MCPH1: variants seen among roughly 807,000 people sequenced by gnomAD.
The protein encoded by MCPH1 is microcephalin.
Under a neutral mutation model 84.5 loss-of-function variants are expected in MCPH1, and 104 were observed. The ratio of observed to expected loss-of-function variants is 1.23; its 90% CI spans 1.05 to 1.45. The LOEUF (loss-of-function observed/expected upper bound fraction) is 1.45, where lower values mean the gene tolerates loss of function less well. Ranked by LOEUF, MCPH1 falls within the 40% of genes most tolerant of loss-of-function variation. The pLI is 0.00. For synonymous variants in MCPH1, 514 were observed against 366.8 expected, an observed-to-expected ratio of 1.40 and a Z score of -4.58; for missense variants, 1,498 against 1,005.7, an observed-to-expected ratio of 1.49 and a Z score of -6.62.
At chr8:6,431,994 G>C (rs886124651) in intron 4 of MCPH1, among the ~76,000 whole-genome samples, 1 of 152,196 alleles carries the variant, frequency 6.6e-6, no homozygotes, top group African/African-American at 2.4e-5. Flanking sequence ...AAAATCTGCT[G>C]TACAAATACA....
chr8:6,528,711 T>C (rs1409119869), intron 12 of MCPH1, among the ~76,000 whole-genome samples: 14 of 152,230 alleles, frequency 9.2e-5, no homozygotes. Context: ...TCATGCTTAT[T>C]CAGGATGTGA....
At chr8:6,575,142 A>G (rs1343417911) in intron 12 of MCPH1, among the ~76,000 whole-genome samples, 2 of 152,120 alleles carry the variant, frequency 1.3e-5, no homozygotes, top group Non-Finnish European at 1.5e-5. Flanking sequence ...TTCCTATTGC[A>G]TGTTTGGGTC....
intron 3 of MCPH1, among the ~76,000 whole-genome samples, chr8:6,415,090 A>G (rs1799079337): frequency 6.6e-6 from 1 of 151,966 alleles, no homozygotes; most frequent in South Asian, 2.1e-4. Context: ...GCCTAGGGGG[A>G]AAAGGAGCCT....
At chr8:6,604,126 C>T (rs898757836) in intron 12 of MCPH1, among the ~76,000 whole-genome samples, 13 of 151,990 alleles carry the variant, frequency 8.6e-5, no homozygotes, top group African/African-American at 2.7e-4. Context: ...TGATCTTGGA[C>T]CTTCCCTGTC....
chr8:6,639,067 G>C (rs1017842425), intron 13 of MCPH1, among the ~76,000 whole-genome samples: 1 of 152,196 alleles, frequency 6.6e-6, no homozygotes. Context: ...GTAGGCTTCT[G>C]TTCCATCTTG....
At chr8:6,411,212 G>A (rs1308883000) in intron 2 of MCPH1, among the ~76,000 whole-genome samples, 1 of 152,206 alleles carries the variant, frequency 6.6e-6, no homozygotes, top group African/African-American at 2.4e-5. Context: ...CAGCCTGTTT[G>A]AACTGTACGG....
At chr8:6,612,851 T>C (rs1052012979) in intron 12 of MCPH1, among the ~76,000 whole-genome samples, 3 of 152,202 alleles carry the variant, frequency 2.0e-5, no homozygotes, top group African/African-American at 7.2e-5. Flanking sequence ...AGCGTGTGAG[T>C]TTAGTGGGCG....
intron 12 of MCPH1, among the ~76,000 whole-genome samples, chr8:6,605,609 G>A (rs1340532849): frequency 6.6e-6 from 1 of 152,242 alleles, no homozygotes; most frequent in Non-Finnish European, 1.5e-5. Flanking sequence ...CAGGGATGAA[G>A]TCAGTGGCTG....
intron 12 of MCPH1, among the ~76,000 whole-genome samples, chr8:6,583,626 A>G (rs938818737): frequency 6.6e-6 from 1 of 152,176 alleles, no homozygotes; most frequent in African/African-American, 2.4e-5. Flanking sequence ...TGCCCAAGGG[A>G]GGAGCTGGCC....
chr8:6,464,273 T>C (rs1585918881), intron 9 of MCPH1, among the ~76,000 whole-genome samples: 2 of 152,152 alleles, frequency 1.3e-5, no homozygotes, highest in African/African-American at 4.8e-5. Flanking sequence ...GGCGGGGATG[T>C]GCTCGTTGTA....
chr8:6,508,809 G>C lies in MCPH1; in HGVS notation c.2214+8880G>C. 7 of 1,325,580 alleles carry C rather than the reference G, an allele frequency of 5.3e-6. No individual in the cohort carries two copies. In the South Asian group the frequency reaches 8.3e-5, roughly 16 times the overall value. The allele number at this position is 1,325,580 out of a possible 1,614,324, so 82.1% of individuals were successfully genotyped here. On this transcript the variant is annotated intron_variant, in intron 12 of 13. Transcript: ENST00000344683. Reference sequence around the variant, plus strand: ...ACACATTTACCTATATCAAGCTAGTGTGTCTACGTATGAAATTGTGGACAT... The same window carrying C: ...ACACATTTACCTATATCAAGCTAGTCTGTCTACGTATGAAATTGTGGACAT...
chr8:6,535,302 T>A (rs1460554513), intron 12 of MCPH1, among the ~76,000 whole-genome samples: 3 of 152,190 alleles, frequency 2.0e-5, no homozygotes, highest in Non-Finnish European at 2.9e-5. Flanking sequence ...TTGTTTATAA[T>A]TGAAAACTTA....
intron 12 of MCPH1, among the ~76,000 whole-genome samples, chr8:6,583,290 C>A (rs139190303): frequency 6.6e-6 from 1 of 151,856 alleles, no homozygotes; most frequent in African/African-American, 2.4e-5. Flanking sequence ...ATGTGCAGAA[C>A]GTGCAGGATT....
rs1388616112 is a variant in MCPH1 at position 6,627,261 on chromosome 8, A to G, written c.2452+5570A>G. 9 of 985,086 alleles carry G rather than the reference A, an allele frequency of 9.1e-6. No homozygotes were observed. In the African/African-American group the frequency reaches 1.6e-4, roughly 17 times the overall value. 61.0% of individuals were successfully genotyped at this position (985,086 alleles called of 1,614,324 possible). A position where few individuals can be genotyped will look rare whatever the true frequency, so the allele number is the denominator to read the frequency against. On this transcript the variant is annotated intron_variant, in intron 13 of 13. Coordinates refer to ENST00000344683, the MANE Select transcript of MCPH1 (RefSeq NM_024596.5). The stretch of plus-strand genomic sequence containing the variant: ...ATCAGTCACCGCAGTCCACATCTCC[A>G]TTGCCTCGATAAGGAACCAGTCGCA...
chr8:6,617,149 A>C (rs1239357884), intron 12 of MCPH1: 1 of 151,764 alleles, frequency 6.6e-6, no homozygotes, highest in Non-Finnish European at 1.5e-5. Context: ...CTAATCATTA[A>C]ATGTGTTCTT....
chr8:6,618,162 G>A (rs1469437838), intron 12 of MCPH1, among the ~76,000 whole-genome samples: 7 of 152,224 alleles, frequency 4.6e-5, no homozygotes, highest in Admixed American at 2.6e-4. Flanking sequence ...GTTGACTTCA[G>A]AATTTGTGCG....
At chr8:6,631,584 T>G (rs1326909299) in intron 13 of MCPH1, among the ~76,000 whole-genome samples, 2 of 151,576 alleles carry the variant, frequency 1.3e-5, no homozygotes, top group African/African-American at 4.9e-5. Context: ...TACTAATCAT[T>G]AGGAAGATGC....
intron 12 of MCPH1, chr8:6,507,916 T>A (rs1814111291): frequency 6.6e-6 from 1 of 152,174 alleles, no homozygotes; most frequent in African/African-American, 2.4e-5. Flanking sequence ...TTTATTCCTA[T>A]GTTTGAACTC....
At chr8:6,455,914 C>T (rs913625369) in intron 9 of MCPH1, among the ~76,000 whole-genome samples, 4 of 151,982 alleles carry the variant, frequency 2.6e-5, no homozygotes, top group African/African-American at 7.2e-5. Context: ...AAAACCATAC[C>T]GATTGAAAAG....
Sources: allele counts gnomAD v4.1 joint callset (sites outside exome capture counted in the v4.1 genomes callset), GRCh38; gene constraint gnomAD v4.1.1; transcripts MANE v1.5; gene names NCBI Gene and HGNC (gene_info 2026-07-23, HGNC 2026-07-21).